HHIP: variants seen among roughly 807,000 people sequenced by gnomAD.
The protein encoded by HHIP is hedgehog-interacting protein.
In HHIP, 12 loss-of-function variants were observed where a neutral mutation model predicts 74.0. That is an observed-to-expected ratio of 0.16 (90% CI 0.10 to 0.26). The LOEUF is 0.26. Among genes scored for constraint, HHIP ranks in the 10% least tolerant of loss-of-function variants. HHIP has a pLI of 1.00. For missense variants in HHIP, 788 were observed against 845.0 expected (o/e 0.93, Z 0.84); for synonymous variants, 309 against 311.6 (o/e 0.99, Z 0.09).
intron 4 of HHIP, among the ~76,000 whole-genome samples, chr4:144,663,824 T>G (rs1438631447): frequency 1.3e-5 from 2 of 152,168 alleles, no homozygotes; most frequent in Non-Finnish European, 2.9e-5. Flanking sequence ...GGATTGTGAT[T>G]ATATATATAA....
Position 144,734,771 on chromosome 4 carries a change from G to C in HHIP, c.1791G>C (p.Thr597=). The change falls in exon 12 of 13, where the codon ACG becomes ACC. Residue 597 remains threonine, a synonymous_variant. Coordinates refer to ENST00000296575, the MANE Select transcript of HHIP (RefSeq NM_022475.3). Reference sequence around the variant, plus strand: ...TAATGCCTGAGGAATGCAGAGCCACGGTACAACCTGCACAGACACTGACTT... The same window carrying C: ...TAATGCCTGAGGAATGCAGAGCCACCGTACAACCTGCACAGACACTGACTT... The part of the protein sequence containing the change: ...RPLMPEECRA[T]VQPAQTLTSE... The C allele has an allele frequency of 6.2e-7, 1 of 1,602,674 alleles. No individual in the cohort carries two copies. Among genetic ancestry groups the C allele is most frequent in the Non-Finnish European group, 8.5e-7 (1 of 1,171,396 alleles).
Position 144,738,121 on chromosome 4 carries a change from G to A in HHIP, c.*164G>A. ...GTGCAGATCCTCTGTGTGTATGTCA[G>A]CATGTTTGTTCACATATGCACATAC... is the stretch of plus-strand genomic sequence containing the variant. On this transcript the variant is annotated 3_prime_UTR_variant, in exon 13 of 13. Transcript: ENST00000296575. 1 of 1,303,774 alleles carries A rather than the reference G, an allele frequency of 7.7e-7. No homozygotes were observed. Among genetic ancestry groups the A allele is most frequent in the Non-Finnish European group, 9.7e-7 (1 of 1,026,440 alleles). The allele number at this position is 1,303,774 out of a possible 1,614,324, so 80.8% of individuals were successfully genotyped here.
At chr4:144,690,117 T>C (rs1729604901) in intron 4 of HHIP, among the ~76,000 whole-genome samples, 1 of 152,168 alleles carries the variant, frequency 6.6e-6, no homozygotes, top group Admixed American at 6.5e-5. Flanking sequence ...ACTTATTTGA[T>C]ATTGGTATGT....
At chr4:144,691,492 G>A (rs1193389500) in intron 4 of HHIP, among the ~76,000 whole-genome samples, 1 of 152,108 alleles carries the variant, frequency 6.6e-6, no homozygotes, top group African/African-American at 2.4e-5. Flanking sequence ...TGCTGCTTCA[G>A]GAGTTTTGCT....
chr4:144,737,813 C>T lies in HHIP; in HGVS notation c.1959C>T (p.Asn653=). 1 of 1,613,650 alleles carries T rather than the reference C, an allele frequency of 6.2e-7. No homozygotes were observed. The highest frequency in any genetic ancestry group is 8.5e-7 in the Non-Finnish European group (1 of 1,179,688). The change falls in exon 13 of 13, where the codon AAC becomes AAT. Residue 653 remains asparagine, a synonymous_variant. Transcript: ENST00000296575. The part of the protein sequence containing the change: ...CRHGGVCVRP[N]KCLCKKGYLG... Reference sequence around the variant, plus strand: ...ATGGAGGTGTCTGTGTTAGACCGAACAAGTGCCTCTGTAAAAAAGGATATC... The same window carrying T: ...ATGGAGGTGTCTGTGTTAGACCGAATAAGTGCCTCTGTAAAAAAGGATATC...
In HHIP at chr4:144,689,122, CAT is replaced by C. The variant is rs534218790; in HGVS notation, c.832-17408_832-17407del. 1.5e-3 allele frequency among the ~76,000 whole-genome samples: 223 copies of C among 152,324 alleles called. 5 individuals are homozygous for C. Among genetic ancestry groups the C allele is most frequent in the African/African-American group, 5.1e-3 (212 of 41,564 alleles). The stretch of plus-strand genomic sequence containing the variant: ...ATAGCAATTAAACTATACCTGCACA[CAT>C]GTGATTTACAAGACAGTTTGATTTC... On this transcript the variant is annotated intron_variant, in intron 4 of 12. Transcript: ENST00000296575.
At position 144,708,148 on chromosome 4, in the gene HHIP, T is replaced by G; in HGVS notation, c.1158-20T>G. The G allele has an allele frequency of 6.2e-7, 1 of 1,613,152 alleles. No homozygotes were observed. Among genetic ancestry groups the G allele is most frequent in the Admixed American group, 1.7e-5 (1 of 59,998 alleles). On this transcript the variant is annotated intron_variant, in intron 6 of 12. Coordinates refer to ENST00000296575, the MANE Select transcript of HHIP (RefSeq NM_022475.3). ...TATAATGAAAATGTAAAACACATAC[T>G]CTGTCCCCCAATTTCTCAGTGATTT...
At chr4:144,730,071 C>T (rs1407463688) in intron 11 of HHIP, among the ~76,000 whole-genome samples, 1 of 152,152 alleles carries the variant, frequency 6.6e-6, no homozygotes, top group African/African-American at 2.4e-5. Context: ...GAAAACTGTT[C>T]AGAATACCAC....
intron 4 of HHIP, among the ~76,000 whole-genome samples, chr4:144,702,164 G>A (rs1322173784): frequency 6.6e-6 from 1 of 151,776 alleles, no homozygotes; most frequent in Non-Finnish European, 1.5e-5. Flanking sequence ...AAAAAGAAAA[G>A]AAAAAAATAA....
chr4:144,724,108 G>A (rs919932041), intron 11 of HHIP, among the ~76,000 whole-genome samples: 3 of 152,304 alleles, frequency 2.0e-5, no homozygotes, highest in Non-Finnish European at 1.5e-5. Flanking sequence ...ATGAATGGAT[G>A]AGCATGCATA....
chr4:144,662,049 G>A (rs1211646495), intron 4 of HHIP, among the ~76,000 whole-genome samples: 1 of 152,122 alleles, frequency 6.6e-6, no homozygotes, highest in African/African-American at 2.4e-5. Flanking sequence ...TACATTAATT[G>A]ATGACTAAGA....
At chr4:144,705,979 A>G (rs1029285990) in intron 4 of HHIP, among the ~76,000 whole-genome samples, 1 of 152,244 alleles carries the variant, frequency 6.6e-6, no homozygotes. Context: ...CCTATTACCT[A>G]GCTATGATGA....
At chr4:144,710,877 T>C (rs2126659176) in intron 7 of HHIP, among the ~76,000 whole-genome samples, 1 of 152,358 alleles carries the variant, frequency 6.6e-6, no homozygotes, top group South Asian at 2.1e-4. Flanking sequence ...AAGCCTGTTT[T>C]CCACACTTTT....
Position 144,734,817 on chromosome 4 carries a change from C to T in HHIP, c.1837C>T (p.Arg613Ter). 6.2e-7 allele frequency: 1 copy of T among 1,612,970 alleles called. No homozygotes were observed. The highest frequency in any genetic ancestry group is 8.5e-7 in the Non-Finnish European group (1 of 1,179,230). ...GACTTCAGAGTGCTCCAGGCTCTGT[C>T]GAAACGGCTACTGCACCCCCACGGG... ...TLTSECSRLC[R>*]NGYCTPTGKC... is the part of the protein sequence containing the mutation. Residue 613 changes from arginine (R) to a stop codon, truncating the protein, a stop_gained, in exon 12 of 13, where the codon CGA (arginine) becomes TGA (stop). Transcript: ENST00000296575. LOFTEE classifies it high-confidence loss of function.
In HHIP at chr4:144,737,860, T is replaced by G. The variant is rs137971500; in HGVS notation, c.2006T>G (p.Val669Gly). 44 of 1,613,946 alleles carry G rather than the reference T, an allele frequency of 2.7e-5. No homozygotes were observed. The highest frequency in any genetic ancestry group is 3.6e-5 in the Non-Finnish European group (42 of 1,179,856). Residue 669 changes from valine to glycine, a missense_variant, in exon 13 of 13, where the codon GTG (valine) becomes GGG (glycine). Transcript: ENST00000296575. Reference protein sequence around the residue: ...KGYLGPQCEQVDRNIRRVTRA... With the variant: ...KGYLGPQCEQGDRNIRRVTRA... ...TATCTTGGTCCTCAATGTGAACAAGTGGACAGAAACATCCGCAGAGTGACC... is the reference window on the plus strand; with the variant it reads ...TATCTTGGTCCTCAATGTGAACAAGGGGACAGAAACATCCGCAGAGTGACC...
At chr4:144,675,703 T>C (rs1458628513) in intron 4 of HHIP, among the ~76,000 whole-genome samples, 1 of 152,144 alleles carries the variant, frequency 6.6e-6, no homozygotes, top group East Asian at 1.9e-4. Flanking sequence ...TGTATATATA[T>C]GCATAAAACA....
intron 4 of HHIP, among the ~76,000 whole-genome samples, chr4:144,661,771 G>A (rs560267491): frequency 6.6e-6 from 1 of 152,212 alleles, no homozygotes; most frequent in South Asian, 2.1e-4. Context: ...ATATATGAAA[G>A]TTATCATATA....
Position 144,714,300 on chromosome 4 carries a change from G to T in HHIP, c.1499G>T (p.Cys500Phe), listed in dbSNP as rs200641725. The part of the protein sequence containing the change: ...PLVGGFVYRG[C>F]QSERLYGSYV... ...GTTGGTGGATTTGTATACCGGGGCTGCCAGTCAGAAAGATTGTATGGAAGC... is the reference window on the plus strand; with the variant it reads ...GTTGGTGGATTTGTATACCGGGGCTTCCAGTCAGAAAGATTGTATGGAAGC... The change falls in exon 9 of 13, where the codon TGC (cysteine) becomes TTC (phenylalanine). Residue 500 changes from cysteine (C) to phenylalanine (F), a missense_variant. By Grantham distance (205) the Cys-to-Phe change is radical (BLOSUM62 -2). Coordinates refer to ENST00000296575, the MANE Select transcript of HHIP (RefSeq NM_022475.3). 1 of 1,613,254 alleles carries T rather than the reference G, an allele frequency of 6.2e-7. No homozygotes were observed. The highest frequency in any genetic ancestry group is 1.3e-5 in the African/African-American group (1 of 74,868).
intron 4 of HHIP, among the ~76,000 whole-genome samples, chr4:144,692,077 T>C (rs1438028925): frequency 6.6e-6 from 1 of 152,126 alleles, no homozygotes; most frequent in Admixed American, 6.6e-5. Flanking sequence ...AGCTGATTAG[T>C]GAACAACTAA....
Sources: gnomAD v4.1 joint callset for allele counts (sites outside exome capture counted in the v4.1 genomes callset) on GRCh38, gnomAD v4.1.1 for gene constraint, MANE v1.5 for transcripts, NCBI Gene and HGNC (gene_info 2026-07-23, HGNC 2026-07-21) for gene names.